Variants in HHIPL2 observed in about 807,000 individuals in gnomAD.
The protein encoded by HHIPL2 is HHIP-like protein 2.
In HHIPL2, 61 loss-of-function variants were observed where a neutral mutation model predicts 61.0. The ratio of observed to expected loss-of-function variants is 1.00; its 90% CI spans 0.81 to 1.24. The LOEUF (loss-of-function observed/expected upper bound fraction) is 1.24, where lower values mean the gene tolerates loss of function less well. Among genes scored for constraint, HHIPL2 ranks in the 50% most tolerant of loss-of-function variants. HHIPL2 has a pLI of 0.00. For missense variants in HHIPL2, 885 were observed against 910.2 expected, an observed-to-expected ratio of 0.97 and a Z score of 0.36; for synonymous variants, 343 against 357.4, an observed-to-expected ratio of 0.96 and a Z score of 0.45.
chr1:222,530,315 G>T (rs1571766768), intron 6 of HHIPL2, among the ~76,000 whole-genome samples: 1 of 152,302 alleles, frequency 6.6e-6, no homozygotes, highest in Non-Finnish European at 1.5e-5. Context: ...TGCCTCTGGG[G>T]TTCCAATCTC....
chr1:222,527,172 C>T (rs890858882), intron 6 of HHIPL2, 122 bp from the exon 7 acceptor site: 7 of 720,520 alleles, frequency 9.7e-6, no homozygotes, highest in South Asian at 3.7e-5. Flanking sequence ...GCGCCAAGAA[C>T]GGAATCCCAG....
intron 3 of HHIPL2, among the ~76,000 whole-genome samples, chr1:222,540,919 A>C (rs922203412): frequency 1.4e-4 from 21 of 152,186 alleles, no homozygotes; most frequent in African/African-American, 4.8e-4. Context: ...TAATGAACAC[A>C]TGATAATCAG....
chr1:222,529,340 A>T (rs976733379), intron 6 of HHIPL2, among the ~76,000 whole-genome samples: 1 of 152,212 alleles, frequency 6.6e-6, no homozygotes, highest in Non-Finnish European at 1.5e-5. Flanking sequence ...CTGAATGGGA[A>T]GCCCAGGCAC....
chr1:222,529,033 G>A (rs1659132299), intron 6 of HHIPL2, among the ~76,000 whole-genome samples: 1 of 151,794 alleles, frequency 6.6e-6, no homozygotes, highest in Non-Finnish European at 1.5e-5. Flanking sequence ...TGTTGCTCAG[G>A]CTGGTCTCAA....
intron 6 of HHIPL2, among the ~76,000 whole-genome samples, chr1:222,531,707 C>T (rs896274304): frequency 5.3e-5 from 8 of 151,454 alleles, no homozygotes; most frequent in Non-Finnish European, 1.0e-4. Flanking sequence ...GAGATGGCGC[C>T]GCAGACAGAG....
At chr1:222,531,503 T>C (rs1659189565) in intron 6 of HHIPL2, among the ~76,000 whole-genome samples, 1 of 152,176 alleles carries the variant, frequency 6.6e-6, no homozygotes. Context: ...ATCTCAGCAC[T>C]TTGGGAGGCT....
intron 6 of HHIPL2, among the ~76,000 whole-genome samples, chr1:222,530,974 T>C (rs1416942180): frequency 1.3e-5 from 2 of 152,112 alleles, no homozygotes; most frequent in African/African-American, 4.8e-5. Flanking sequence ...GAGTGAAACA[T>C]AACTTATGTA....
rs753461801 is a variant in HHIPL2 at position 222,523,698 on chromosome 1, AAAACAC to A, written c.1806-10_1806-5del. 1 of 1,614,166 alleles carries A rather than the reference AAAACAC, an allele frequency of 6.2e-7. No homozygotes were observed. The highest frequency in any genetic ancestry group is 8.5e-7 in the Non-Finnish European group (1 of 1,180,000). ...GCACTTGCCTGGGGGTGCTCGCCTA[AAAACAC>A]AAACAGAAAGCATGAGGACGCAAGA... On this transcript the variant is annotated splice_region_variant and splice_polypyrimidine_tract_variant and intron_variant, in intron 7 of 8. Transcript: ENST00000343410.
chr1:222,522,951 T>C (rs1351042280), intron 8 of HHIPL2, 64 bp from the exon 9 acceptor site: 1 of 1,302,676 alleles, frequency 7.7e-7, no homozygotes, highest in African/African-American at 1.5e-5. Context: ...AAGAGAAAAC[T>C]ATAACTGCAT....
chr1:222,524,841 T>C (rs1333387402), intron 7 of HHIPL2: 1 of 152,160 alleles, frequency 6.6e-6, no homozygotes, highest in Admixed American at 6.5e-5. Context: ...TCGATATAAT[T>C]ATAACTGAAT....
chr1:222,524,140 G>A (rs1243233131), intron 7 of HHIPL2: 1 of 162,622 alleles, frequency 6.1e-6, no homozygotes, highest in East Asian at 1.8e-4. Context: ...GGTGGTGCTG[G>A]TGACTCCCTT....
At chr1:222,523,315 A>G (rs1658992288) in intron 8 of HHIPL2, among the ~76,000 whole-genome samples, 1 of 152,234 alleles carries the variant, frequency 6.6e-6, no homozygotes, top group South Asian at 2.1e-4. Context: ...AGGGATTAGC[A>G]TAGTTCCTGC....
intron 6 of HHIPL2, among the ~76,000 whole-genome samples, chr1:222,531,447 C>A (rs186791457): frequency 6.6e-6 from 1 of 152,264 alleles, no homozygotes; most frequent in East Asian, 1.9e-4. Flanking sequence ...GTGAAACGAG[C>A]ATTATAATTA....
intron 2 of HHIPL2, 150 bp downstream of exon 2, chr1:222,543,387 C>A: frequency 1.3e-6 from 1 of 768,836 alleles, no homozygotes; most frequent in Non-Finnish European, 2.1e-6. Context: ...AAGAGGCTAA[C>A]TTGGGCCGTT....
chr1:222,527,724 T>C (rs577436044), intron 6 of HHIPL2, among the ~76,000 whole-genome samples: 12 of 152,304 alleles, frequency 7.9e-5, no homozygotes, highest in African/African-American at 2.9e-4. Context: ...TGGGAGATAA[T>C]TGAATCATGG....
intron 3 of HHIPL2, among the ~76,000 whole-genome samples, chr1:222,540,783 C>A (rs576285534): frequency 2.0e-5 from 3 of 152,324 alleles, no homozygotes; most frequent in East Asian, 1.9e-4. Flanking sequence ...AGAGGCTCTG[C>A]CAATGACTGT....
rs377242785 is a variant in HHIPL2 at position 222,523,970 on chromosome 1, C to A, written c.1806-276G>T. The A allele has an allele frequency of 1.1e-5, 5 of 441,612 alleles. No individual in the cohort carries two copies. In the East Asian group the frequency reaches 1.3e-4, roughly 11 times the overall value. The allele number at this position is 441,612 out of a possible 1,614,324, so 27.4% of individuals were successfully genotyped here. A position where few individuals can be genotyped will look rare whatever the true frequency, so the allele number is the denominator to read the frequency against. ...TCAAAACGGGTTCACATCCTGGTAACCAGGGGCAAAAAACCTTGCTAAGCC... is the reference window on the plus strand; with the variant it reads ...TCAAAACGGGTTCACATCCTGGTAAACAGGGGCAAAAAACCTTGCTAAGCC... On this transcript the variant is annotated intron_variant, in intron 7 of 8. Transcript: ENST00000343410.
Position 222,541,733 on chromosome 1 carries a change from A to C in HHIPL2, c.1118+279T>G, listed in dbSNP as rs1558131946. 2.6e-5 allele frequency among the ~76,000 whole-genome samples: 4 copies of C among 152,302 alleles called. No individual in the cohort carries two copies. The South Asian group carries it at 8.3e-4, about 32-fold the overall frequency. Reference sequence around the variant, plus strand: ...TTGAGTTGAATTGAATTAGATGATTAGTGTGGTGAATAATGACCTGCTAAT... The same window carrying C: ...TTGAGTTGAATTGAATTAGATGATTCGTGTGGTGAATAATGACCTGCTAAT... On this transcript the variant is annotated intron_variant, in intron 3 of 8. Transcript: ENST00000343410.
chr1:222,538,537 A>C (rs1659355368), intron 5 of HHIPL2, 111 bp downstream of exon 5: 3 of 1,009,526 alleles, frequency 3.0e-6, no homozygotes, highest in Non-Finnish European at 2.9e-6. Flanking sequence ...TACATTTGTA[A>C]AACATCAAAC....
Sources: gnomAD v4.1 joint callset for allele counts (sites outside exome capture counted in the v4.1 genomes callset) on GRCh38, gnomAD v4.1.1 for gene constraint, MANE v1.5 for transcripts, NCBI Gene and HGNC (gene_info 2026-07-23, HGNC 2026-07-21) for gene names.